Variants in ZBTB34 observed in about 807,000 individuals in gnomAD.
The protein encoded by ZBTB34 is zinc finger and BTB domain containing 34.
A neutral mutation model predicts 33.4 loss-of-function variants in ZBTB34; 1 was observed. The ratio of observed to expected loss-of-function variants is 0.03; its 90% CI spans 0.01 to 0.14. ZBTB34 has a LOEUF of 0.14. Ranked by LOEUF, ZBTB34 falls within the 10% of genes least tolerant of loss-of-function variation. The pLI is 1.00. For missense variants in ZBTB34, 406 were observed against 657.2 expected (o/e 0.62, Z 4.18); for synonymous variants, 283 against 253.5 (o/e 1.12, Z -1.11).
intron 1 of ZBTB34, among the ~76,000 whole-genome samples, chr9:126,878,792 C>T (rs1394461495): frequency 5.3e-5 from 8 of 150,034 alleles, no homozygotes; most frequent in Non-Finnish European, 7.4e-5. Flanking sequence ...GGTGTGCTCT[C>T]GGCTCACTGC....
At position 126,872,046 on chromosome 9, in the gene ZBTB34, C is replaced by T. The variant is rs563921218; in HGVS notation, c.-10-7344C>T. ...TCGGCTCACTGCAACTTCCGCCTCCCGGGTTCAAGCGATACTCAGCCTCCC... is the reference window on the plus strand; with the variant it reads ...TCGGCTCACTGCAACTTCCGCCTCCTGGGTTCAAGCGATACTCAGCCTCCC... On this transcript the variant is annotated intron_variant, in intron 1 of 1. Transcript: ENST00000319119. 9.9e-5 allele frequency among the ~76,000 whole-genome samples: 15 copies of T among 151,974 alleles called. 1 individual carries two copies. The South Asian group carries it at 2.5e-3, about 25-fold the overall frequency.
intron 1 of ZBTB34, among the ~76,000 whole-genome samples, chr9:126,871,365 T>TA (rs2119216415): frequency 6.8e-6 from 1 of 147,688 alleles, no homozygotes; most frequent in Admixed American, 6.9e-5. Flanking sequence ...AGATTTTTTT[T>TA]CTTTTTTTTT....
rs370293094 is a variant in ZBTB34 at position 126,880,373 on chromosome 9, G to A, written c.974G>A (p.Arg325His). The change falls in exon 2 of 2, where the codon CGC becomes CAC. Residue 325 changes from arginine to histidine, a missense_variant. Transcript: ENST00000319119. The surrounding 1 kb of genome is among the most constrained non-coding windows in gnomAD (Gnocchi z 6.7). ...AGCTGTTTCCGAGGAGGGCGTGCCC[G>A]CCAGAAGCGGGCTTTGTCTGTCCAC... 72 of 1,612,842 alleles carry A rather than the reference G, an allele frequency of 4.5e-5. No individual in the cohort carries two copies. The East Asian group carries it at 4.9e-4, about 11-fold the overall frequency.
In ZBTB34 at chr9:126,880,412, T is replaced by C; in HGVS notation, c.1013T>C (p.Leu338Pro). The change falls in exon 2 of 2, where the codon CTG (leucine) becomes CCG (proline). Residue 338 changes from leucine (L) to proline (P), a missense_variant. This residue lies in a region of ZBTB34 where 123 missense variants were observed against 140.4 expected (regional missense o/e 0.88). Coordinates refer to ENST00000319119, the Ensembl canonical transcript of ZBTB34. The surrounding 1 kb of genome is among the most constrained non-coding windows in gnomAD (Gnocchi z 6.7). Reference sequence around the variant, plus strand: ...TTGTCTGTCCACCTGCACAGTGACCTGCAGGGCCTGGTGCAGGGCTCTGAC... The same window carrying C: ...TTGTCTGTCCACCTGCACAGTGACCCGCAGGGCCTGGTGCAGGGCTCTGAC... 6.2e-7 allele frequency: 1 copy of C among 1,613,572 alleles called. No homozygotes were observed. Among genetic ancestry groups the C allele is most frequent in the Non-Finnish European group, 8.5e-7 (1 of 1,179,828 alleles).
At position 126,880,938 on chromosome 9, in the gene ZBTB34, C is replaced by G; in HGVS notation, c.*24C>G. ...AAGATGGTAAAGAAGTGCACCCAAA[C>G]AAAGCACATTAATCAATGCATATTT... is the stretch of plus-strand genomic sequence containing the variant. On this transcript the variant is annotated 3_prime_UTR_variant, in exon 2 of 2. Coordinates refer to ENST00000319119, the Ensembl canonical transcript of ZBTB34. The surrounding 1 kb of genome is among the most constrained non-coding windows in gnomAD (Gnocchi z 6.7). 1 of 1,583,480 alleles carries G rather than the reference C, an allele frequency of 6.3e-7. No individual in the cohort carries two copies. Among genetic ancestry groups the G allele is most frequent in the South Asian group, 1.1e-5 (1 of 88,488 alleles).
chr9:126,868,184 T>C (rs1345444192), intron 1 of ZBTB34, among the ~76,000 whole-genome samples: 4 of 152,210 alleles, frequency 2.6e-5, no homozygotes, highest in African/African-American at 9.6e-5. Flanking sequence ...TTGGGGGGTG[T>C]CTCTCCCTTG....
At chr9:126,871,955 ATTT>A (rs549117075) in intron 1 of ZBTB34, among the ~76,000 whole-genome samples, 1 of 144,332 alleles carries the variant, frequency 6.9e-6, no homozygotes, top group African/African-American at 2.5e-5. Context: ...GTCTCTACAA[ATTT>A]TTTTTTTTTT....
chr9:126,877,115 A>G (rs1463982740), intron 1 of ZBTB34, among the ~76,000 whole-genome samples: 1 of 152,094 alleles, frequency 6.6e-6, no homozygotes, highest in African/African-American at 2.4e-5. Flanking sequence ...TTTAGTATTT[A>G]TTGTTTAATG....
chr9:126,875,377 G>C (rs1030848603), intron 1 of ZBTB34, among the ~76,000 whole-genome samples: 1 of 151,724 alleles, frequency 6.6e-6, no homozygotes, highest in Non-Finnish European at 1.5e-5. Flanking sequence ...TCATTTTTTC[G>C]GATTTCTAAG....
chr9:126,867,590 T>C (rs572990170), intron 1 of ZBTB34, among the ~76,000 whole-genome samples: 1 of 151,936 alleles, frequency 6.6e-6, no homozygotes, highest in Non-Finnish European at 1.5e-5. Context: ...TTTTCCTCAA[T>C]ATATCATTTA....
chr9:126,873,466 G>A (rs1466994136), intron 1 of ZBTB34, among the ~76,000 whole-genome samples: 4 of 152,034 alleles, frequency 2.6e-5, no homozygotes, highest in Non-Finnish European at 5.9e-5. Context: ...GTTTCACCAC[G>A]TTGGCCAGGC....
At chr9:126,862,388 T>C (rs145251932) in intron 1 of ZBTB34, among the ~76,000 whole-genome samples, 289 of 152,302 alleles carry the variant, frequency 1.9e-3, no homozygotes, top group Admixed American at 4.1e-3. Context: ...ACGGCAGTTA[T>C]ACCACTGTTC....
rs751024721 is a variant in ZBTB34 at position 126,880,485 on chromosome 9, G to C, written c.1086G>C (p.Glu362Asp). 1 of 1,613,846 alleles carries C rather than the reference G, an allele frequency of 6.2e-7. No individual in the cohort carries two copies. The highest frequency in any genetic ancestry group is 1.3e-5 in the African/African-American group (1 of 75,074). ...CCGGGTATGAGAGCAGTCCCCGGGA[G>C]AGGAGTGCGAGAGGGCATTGGTACC... The change falls in exon 2 of 2, where the codon GAG (glutamate) becomes GAC (aspartate). Residue 362 changes from glutamate (E) to aspartate (D), a missense_variant. Coordinates refer to ENST00000319119, the Ensembl canonical transcript of ZBTB34. The surrounding 1 kb of genome is among the most constrained non-coding windows in gnomAD (Gnocchi z 6.7).
At chr9:126,881,035 T>C in exon 2 of ZBTB34, 6 of 1,183,266 alleles carry the variant, frequency 5.1e-6, no homozygotes, top group South Asian at 1.6e-5. Flanking sequence ...GCAGTTTTTC[T>C]AAAGTTTCTG....
chr9:126,874,068 G>T (rs1269148164), intron 1 of ZBTB34, among the ~76,000 whole-genome samples: 25 of 103,172 alleles, frequency 2.4e-4, no homozygotes, highest in African/African-American at 9.2e-4. Context: ...TTTTGAGACA[G>T]AGTCTTGCTG....
At chr9:126,884,479 G>C (rs569945576) in exon 2 of ZBTB34, 1 of 166,658 alleles carries the variant, frequency 6.0e-6, no homozygotes, top group Non-Finnish European at 1.5e-5. Context: ...TGTTGTTTTA[G>C]TTTAGTTTTT....
intron 1 of ZBTB34, among the ~76,000 whole-genome samples, chr9:126,863,465 C>T (rs1280503392): frequency 2.6e-5 from 4 of 152,128 alleles, no homozygotes; most frequent in East Asian, 1.9e-4. Flanking sequence ...ATTTGAAGCA[C>T]TTGTCTAAAA....
Position 126,879,836 on chromosome 9 carries a change from A to G in ZBTB34, c.437A>G (p.Glu146Gly). 1.2e-6 allele frequency: 2 copies of G among 1,613,176 alleles called. No individual in the cohort carries two copies. Among genetic ancestry groups the G allele is most frequent in the Non-Finnish European group, 1.7e-6 (2 of 1,179,868 alleles). Residue 146 changes from glutamate to glycine, a missense_variant, in exon 2 of 2, where the codon GAA (glutamate) becomes GGA (glycine). Around this residue, in one of 6 missense-constraint regions of ZBTB34, gnomAD observed 137 missense variants for 173.0 expected, o/e 0.79. Coordinates refer to ENST00000319119, the Ensembl canonical transcript of ZBTB34. This position sits in a 1 kb window ranked among gnomAD's most constrained non-coding sequence, Gnocchi z 6.4. ...GTTGACTCTGTTACCGTCGGTGCTG[A>G]AGAGAATCCCGAGAGTCGAAACGGA...
intron 1 of ZBTB34, among the ~76,000 whole-genome samples, chr9:126,874,202 C>T (rs893389240): frequency 7.3e-5 from 11 of 150,382 alleles, no homozygotes; most frequent in Admixed American, 4.0e-4. Context: ...CCACCATGCC[C>T]GGCTAATTTT....
Sources: allele counts gnomAD v4.1 joint callset (sites outside exome capture counted in the v4.1 genomes callset), GRCh38; gene constraint gnomAD v4.1.1; regional missense constraint gnomAD v4.1.1; non-coding constraint Gnocchi (gnomAD v3.1); transcripts MANE v1.5; gene names NCBI Gene and HGNC (gene_info 2026-07-23, HGNC 2026-07-21).